PTPRD: variants seen among roughly 807,000 people sequenced by gnomAD.
PTPRD encodes the protein protein tyrosine phosphatase receptor type D.
PTPRD carries 34 observed loss-of-function variants against 214.5 expected under a neutral mutation model. That is an observed-to-expected ratio of 0.16 (90% CI 0.12 to 0.21). The LOEUF (loss-of-function observed/expected upper bound fraction) is 0.21. PTPRD is among the 10% of genes least tolerant of loss of function. PTPRD has a pLI of 1.00. For missense variants in PTPRD, 2,545 were observed against 2,398.7 expected (o/e 1.06, Z -1.27); for synonymous variants, 1,128 against 845.7 (o/e 1.33, Z -5.79).
intron 4 of PTPRD, among the ~76,000 whole-genome samples, chr9:9,967,500 G>A (rs369007388): frequency 1.3e-5 from 2 of 152,106 alleles, no homozygotes; most frequent in Admixed American, 6.5e-5. Flanking sequence ...AAACAATTAT[G>A]TATTAGAAGG....
At chr9:8,954,112 G>C (rs1344173279) in intron 11 of PTPRD, among the ~76,000 whole-genome samples, 1 of 151,906 alleles carries the variant, frequency 6.6e-6, no homozygotes, top group Non-Finnish European at 1.5e-5. Context: ...ATTCACAATG[G>C]ACTGGCTAAA....
intron 5 of PTPRD, among the ~76,000 whole-genome samples, chr9:9,904,230 G>A (rs1486513838): frequency 1.3e-5 from 2 of 152,018 alleles, no homozygotes; most frequent in Non-Finnish European, 2.9e-5. Flanking sequence ...TCAGCCAAAC[G>A]TTTGATGAAC....
chr9:9,474,225 C>T (rs564961361), intron 8 of PTPRD, among the ~76,000 whole-genome samples: 2 of 152,088 alleles, frequency 1.3e-5, no homozygotes, highest in Admixed American at 1.3e-4. Flanking sequence ...CTTTCCCTAA[C>T]GTATCTTCTT....
chr9:8,821,239 A>G (rs770018094), intron 11 of PTPRD, among the ~76,000 whole-genome samples: 3 of 152,180 alleles, frequency 2.0e-5, no homozygotes, highest in African/African-American at 4.8e-5. Context: ...CTGGCCACAT[A>G]CATGCTCTCT....
chr9:9,883,654 A>G (rs1208058480), intron 5 of PTPRD, among the ~76,000 whole-genome samples: 1 of 152,160 alleles, frequency 6.6e-6, no homozygotes, highest in Admixed American at 6.6e-5. Context: ...AATTCTAAAA[A>G]TATTTTGGTG....
intron 30 of PTPRD, among the ~76,000 whole-genome samples, chr9:8,480,823 C>T (rs1307986462): frequency 6.6e-6 from 1 of 152,098 alleles, no homozygotes; most frequent in Non-Finnish European, 1.5e-5. Flanking sequence ...ACAAATACTC[C>T]ATTCTCATTT....
intron 9 of PTPRD, among the ~76,000 whole-genome samples, chr9:9,333,503 ATT>A (rs1491354953): frequency 4.8e-5 from 5 of 103,518 alleles, no homozygotes; most frequent in African/African-American, 2.4e-4. Context: ...TATATAGTAT[ATT>A]ATATATATAT....
At chr9:9,826,520 T>C (rs1164741523) in intron 5 of PTPRD, among the ~76,000 whole-genome samples, 1 of 151,934 alleles carries the variant, frequency 6.6e-6, no homozygotes, top group African/African-American at 2.4e-5. Context: ...TATAAAGTAA[T>C]TTATCAAAAA....
intron 2 of PTPRD, among the ~76,000 whole-genome samples, chr9:10,406,832 T>C (rs1452159585): frequency 2.6e-5 from 4 of 151,640 alleles, no homozygotes; most frequent in Admixed American, 6.6e-5. Context: ...AAGATGTTCA[T>C]AGAGTCCATT....
At chr9:9,611,492 A>T in intron 7 of PTPRD, among the ~76,000 whole-genome samples, 1 of 152,230 alleles carries the variant, frequency 6.6e-6, no homozygotes, top group Middle Eastern at 3.4e-3. Flanking sequence ...TTTAATTGGA[A>T]ATACTGTTAT....
intron 3 of PTPRD, among the ~76,000 whole-genome samples, chr9:10,224,610 T>C (rs984239241): frequency 6.6e-6 from 1 of 152,066 alleles, no homozygotes; most frequent in Non-Finnish European, 1.5e-5. Context: ...TAACCATTTT[T>C]TAAGTATAAT....
chr9:9,348,943 T>G (rs2050009886), intron 9 of PTPRD, among the ~76,000 whole-genome samples: 6 of 152,150 alleles, frequency 3.9e-5, no homozygotes, highest in Admixed American at 3.9e-4. Context: ...TTCAGGAGAC[T>G]AAACCTATTT....
intron 5 of PTPRD, among the ~76,000 whole-genome samples, chr9:9,926,684 A>C (rs1602419590): frequency 6.6e-6 from 1 of 152,190 alleles, no homozygotes; most frequent in African/African-American, 2.4e-5. Context: ...TTGAAAGCTA[A>C]AGCCAAAATT....
At chr9:10,142,106 C>T (rs1487263568) in intron 3 of PTPRD, among the ~76,000 whole-genome samples, 1 of 152,054 alleles carries the variant, frequency 6.6e-6, no homozygotes, top group East Asian at 1.9e-4. Context: ...TTCCTTACAC[C>T]TTATACAAAA....
chr9:9,038,686 C>T (rs1024045353), intron 10 of PTPRD, among the ~76,000 whole-genome samples: 2 of 151,440 alleles, frequency 1.3e-5, no homozygotes, highest in Non-Finnish European at 2.9e-5. Flanking sequence ...TCCCAAGTAG[C>T]TGGGATTACA....
intron 11 of PTPRD, among the ~76,000 whole-genome samples, chr9:9,013,227 C>G (rs1053239695): frequency 6.6e-6 from 1 of 151,832 alleles, no homozygotes; most frequent in Non-Finnish European, 1.5e-5. Flanking sequence ...TCCGATGAAG[C>G]GTTTCTGAAG....
chr9:10,221,928 A>G (rs2099572593), intron 3 of PTPRD, among the ~76,000 whole-genome samples: 1 of 151,998 alleles, frequency 6.6e-6, no homozygotes, highest in South Asian at 2.1e-4. Context: ...AACTTGAAAC[A>G]AATCTTATAA....
chr9:10,012,362 GA>G (rs951470027), intron 4 of PTPRD, among the ~76,000 whole-genome samples: 12 of 150,374 alleles, frequency 8.0e-5, no homozygotes, highest in South Asian at 4.2e-4. Flanking sequence ...AAAGCAGATG[GA>G]AAAAAAAATC....
At chr9:10,292,438 C>A (rs1014094153) in intron 3 of PTPRD, among the ~76,000 whole-genome samples, 16 of 151,984 alleles carry the variant, frequency 1.1e-4, no homozygotes, top group Non-Finnish European at 2.2e-4. Flanking sequence ...AATACCTTCT[C>A]ATTTCTCTTG....
Sources: gnomAD v4.1 joint callset for allele counts (sites outside exome capture counted in the v4.1 genomes callset) on GRCh38, gnomAD v4.1.1 for gene constraint, MANE v1.5 for transcripts, NCBI Gene and HGNC (gene_info 2026-07-23, HGNC 2026-07-21) for gene names.